Variants in ACOXL observed in about 807,000 individuals in gnomAD.
The protein encoded by ACOXL is acyl-CoA oxidase like, also known as acyl-coenzyme A oxidase-like protein.
ACOXL carries 70 observed loss-of-function variants against 71.9 expected under a neutral mutation model. The observed-to-expected ratio is 0.97, with a 90% confidence interval of 0.80 to 1.19. The LOEUF is 1.19. ACOXL is among the 50% of genes most tolerant of loss of function. ACOXL has a pLI of 0.00. For missense variants in ACOXL, 703 were observed against 736.3 expected (o/e 0.95, Z 0.52); for synonymous variants, 253 against 281.6 (o/e 0.90, Z 1.02).
chr2:111,066,182 G>A (rs940407513), intron 16 of ACOXL, among the ~76,000 whole-genome samples: 2 of 152,140 alleles, frequency 1.3e-5, no homozygotes, highest in Non-Finnish European at 2.9e-5. Flanking sequence ...TGCATACCAT[G>A]AAATATATAT....
At chr2:111,011,076 G>A (rs965393320) in intron 14 of ACOXL, among the ~76,000 whole-genome samples, 3 of 151,958 alleles carry the variant, frequency 2.0e-5, no homozygotes, top group Non-Finnish European at 4.4e-5. Context: ...TTCAATTGAT[G>A]GTTTATAGCA....
intron 12 of ACOXL, among the ~76,000 whole-genome samples, chr2:110,971,716 G>A (rs906337495): frequency 1.3e-5 from 2 of 152,190 alleles, no homozygotes; most frequent in Non-Finnish European, 2.9e-5. Context: ...TAGGAGAGTA[G>A]ATTATTTGGG....
At chr2:110,858,321 G>A (rs1345560669) in intron 10 of ACOXL, among the ~76,000 whole-genome samples, 4 of 152,136 alleles carry the variant, frequency 2.6e-5, no homozygotes, top group African/African-American at 4.8e-5. Context: ...TGGGAAGTCC[G>A]GGTGGGGAAC....
At chr2:111,040,418 T>A (rs2065726754) in intron 15 of ACOXL, among the ~76,000 whole-genome samples, 1 of 152,176 alleles carries the variant, frequency 6.6e-6, no homozygotes, top group South Asian at 2.1e-4. Context: ...TCGGAAACAA[T>A]CCTGATGTGG....
chr2:110,996,124 C>T (rs535497047), intron 14 of ACOXL, 120 bp downstream of exon 14: 16 of 812,010 alleles, frequency 2.0e-5, no homozygotes, highest in East Asian at 1.1e-4. Flanking sequence ...CTCCTGGAAG[C>T]GGCTAGAGTT....
chr2:111,077,861 G>A (rs1357909605), intron 16 of ACOXL, among the ~76,000 whole-genome samples: 1 of 152,130 alleles, frequency 6.6e-6, no homozygotes, highest in Non-Finnish European at 1.5e-5. Flanking sequence ...TTAGATTCCA[G>A]ATGTTTGATT....
chr2:110,877,054 C>T lies in ACOXL; in HGVS notation c.789-31735C>T, dbSNP rs534326812. 2.0e-5 allele frequency among the ~76,000 whole-genome samples: 3 copies of T among 152,328 alleles called. No individual in the cohort carries two copies. In the East Asian group the frequency reaches 5.8e-4, roughly 29 times the overall value. ...TGTGCCTGGTGGTGGCCCTGTTGCCCCCCATATCACAGAACCTCAGGAGGT... is the reference window on the plus strand; with the variant it reads ...TGTGCCTGGTGGTGGCCCTGTTGCCTCCCATATCACAGAACCTCAGGAGGT... On this transcript the variant is annotated intron_variant, in intron 10 of 17. Transcript: ENST00000439055.
intron 17 of ACOXL, among the ~76,000 whole-genome samples, chr2:111,112,571 A>G (rs1035587718): frequency 6.6e-6 from 1 of 152,266 alleles, no homozygotes; most frequent in Non-Finnish European, 1.5e-5. Context: ...AGGATAAGTG[A>G]GCGAGGAGGA....
intron 12 of ACOXL, among the ~76,000 whole-genome samples, chr2:110,976,892 A>G (rs950179617): frequency 6.6e-6 from 1 of 152,206 alleles, no homozygotes; most frequent in African/African-American, 2.4e-5. Context: ...CGAGCAAACT[A>G]AAGCATGACA....
At chr2:110,801,756 G>A (rs982352436) in intron 8 of ACOXL, 32 bp downstream of exon 8, 5 of 1,593,796 alleles carry the variant, frequency 3.1e-6, no homozygotes, top group Non-Finnish European at 3.4e-6. Context: ...CAGGTCAATG[G>A]TGCAGATGAT....
intron 14 of ACOXL, among the ~76,000 whole-genome samples, chr2:111,023,256 C>T (rs979688088): frequency 3.3e-5 from 5 of 152,002 alleles, no homozygotes; most frequent in South Asian, 2.1e-4. Flanking sequence ...GGAGTAAGCA[C>T]GGTCAAATCA....
At position 110,804,576 on chromosome 2, in the gene ACOXL, A is replaced by G. The variant is rs181673240; in HGVS notation, c.621-687A>G. On this transcript the variant is annotated intron_variant, in intron 8 of 17. Coordinates refer to ENST00000439055, the MANE Select transcript of ACOXL (RefSeq NM_001142807.4). ...TTCACAATAGCAAAAAGGGGAAGAT[A>G]ATCCAAATATCCATCGACTGAGGAA... Among the ~76,000 whole-genome samples, 602 of 152,352 alleles carry G rather than the reference A, an allele frequency of 4.0e-3. 3 individuals carry two copies. The highest frequency in any genetic ancestry group is 6.8e-3 in the Non-Finnish European group (466 of 68,032).
At chr2:111,091,830 G>A (rs1379857724) in intron 16 of ACOXL, among the ~76,000 whole-genome samples, 1 of 152,198 alleles carries the variant, frequency 6.6e-6, no homozygotes, top group African/African-American at 2.4e-5. Flanking sequence ...TCCTCATAAT[G>A]ATGCTGTTCC....
chr2:110,832,264 C>T (rs1405339659), intron 9 of ACOXL, among the ~76,000 whole-genome samples: 8 of 152,108 alleles, frequency 5.3e-5, no homozygotes, highest in East Asian at 1.9e-4. Context: ...GTAGGCCGGG[C>T]GCGGTGGCTC....
chr2:110,900,854 C>T (rs1374809268), intron 10 of ACOXL, among the ~76,000 whole-genome samples: 2 of 152,208 alleles, frequency 1.3e-5, no homozygotes, highest in African/African-American at 4.8e-5. Flanking sequence ...CCTACTGGTC[C>T]TTGTCAGTCA....
intron 2 of ACOXL, among the ~76,000 whole-genome samples, chr2:110,777,962 G>A (rs1682857493): frequency 1.3e-5 from 2 of 152,242 alleles, no homozygotes; most frequent in Admixed American, 6.5e-5. Context: ...CTGGTCTTGG[G>A]CATGTGAGCC....
At chr2:110,755,181 A>G (rs935682782) in intron 1 of ACOXL, among the ~76,000 whole-genome samples, 1 of 152,254 alleles carries the variant, frequency 6.6e-6, no homozygotes, top group Admixed American at 6.5e-5. Flanking sequence ...CCTAGACCTC[A>G]TCACATCTCC....
intron 10 of ACOXL, among the ~76,000 whole-genome samples, chr2:110,878,887 G>A (rs957622834): frequency 1.3e-5 from 2 of 151,572 alleles, no homozygotes; most frequent in African/African-American, 2.4e-5. Context: ...GTTAAACCCC[G>A]TCTCTACTAA....
intron 16 of ACOXL, among the ~76,000 whole-genome samples, chr2:111,067,494 C>G (rs1466016001): frequency 6.6e-6 from 1 of 151,974 alleles, no homozygotes; most frequent in Non-Finnish European, 1.5e-5. Context: ...AATAAATGGG[C>G]AGATAATGAA....
Sources: allele counts gnomAD v4.1 joint callset (sites outside exome capture counted in the v4.1 genomes callset), GRCh38; gene constraint gnomAD v4.1.1; transcripts MANE v1.5; gene names NCBI Gene and HGNC (gene_info 2026-07-23, HGNC 2026-07-21).